The following NEK10 variants were observed in gnomAD, a reference collection of about 807,000 sequenced individuals.
NEK10 encodes the protein serine/threonine-protein kinase Nek10.
NEK10 carries 122 observed loss-of-function variants against 159.8 expected under a neutral mutation model. That is an observed-to-expected ratio of 0.76 (90% CI 0.66 to 0.89). The LOEUF (loss-of-function observed/expected upper bound fraction) is 0.89, where lower values mean the gene tolerates loss of function less well. NEK10 is among the 40% of genes least tolerant of loss of function. The pLI, the probability that NEK10 is intolerant of heterozygous loss-of-function variation, is 0.00. For missense variants in NEK10, 1,342 were observed against 1,323.1 expected (o/e 1.01, Z -0.22); for synonymous variants, 466 against 457.1 (o/e 1.02, Z -0.25).
chr3:27,257,677 G>C (rs1220065300), intron 22 of NEK10, among the ~76,000 whole-genome samples: 2 of 152,076 alleles, frequency 1.3e-5, no homozygotes, highest in East Asian at 3.8e-4. Context: ...GTGCTTAAAA[G>C]ACAGGACTCA....
At chr3:27,362,589 TGTGGTTTTTGC>T (rs1203389431) in intron 1 of NEK10, among the ~76,000 whole-genome samples, 3 of 150,896 alleles carry the variant, frequency 2.0e-5, no homozygotes, top group African/African-American at 7.3e-5. Context: ...CAAAAGTAAT[TGTGGTTTTTGC>T]CATTACTTTC....
Position 27,297,511 on chromosome 3 carries a change from G to A in NEK10, c.1169-271C>T, listed in dbSNP as rs573889062. Among the ~76,000 whole-genome samples the A allele has an allele frequency of 2.2e-3, 330 of 152,172 alleles. 2 individuals are homozygous for A. Among genetic ancestry groups the A allele is most frequent in the Non-Finnish European group, 4.1e-3 (281 of 68,034 alleles). On this transcript the variant is annotated intron_variant, in intron 13 of 35. Coordinates refer to ENST00000691995, the MANE Select transcript of NEK10 (RefSeq NM_001394966.1). Reference sequence around the variant, plus strand: ...GCACTTTCTTCGTACCAGGAGGCAAGTATTGCATCTGTCCATTTCATTGTA... The same window carrying A: ...GCACTTTCTTCGTACCAGGAGGCAAATATTGCATCTGTCCATTTCATTGTA...
chr3:27,153,275 G>A (rs544391298), intron 30 of NEK10, among the ~76,000 whole-genome samples: 16 of 150,172 alleles, frequency 1.1e-4, no homozygotes, highest in African/African-American at 3.4e-4. Context: ...AGCCAAGATC[G>A]TGCCACTGCA....
intron 23 of NEK10, among the ~76,000 whole-genome samples, chr3:27,211,974 A>G (rs1470399707): frequency 6.6e-6 from 1 of 152,236 alleles, no homozygotes; most frequent in Admixed American, 6.5e-5. Context: ...ATTTCCTCAC[A>G]TCTGTAAGAC....
At chr3:27,302,371 C>T (rs2043895338) in intron 12 of NEK10, among the ~76,000 whole-genome samples, 2 of 152,010 alleles carry the variant, frequency 1.3e-5, no homozygotes, top group Non-Finnish European at 2.9e-5. Flanking sequence ...TTTTTTCAAG[C>T]TTACCCTACA....
At chr3:27,264,657 C>T (rs1482977722) in intron 22 of NEK10, among the ~76,000 whole-genome samples, 9 of 151,984 alleles carry the variant, frequency 5.9e-5, no homozygotes, top group African/African-American at 9.7e-5. Context: ...TTTGGGAGGC[C>T]GAGGCAGGTG....
chr3:27,297,337 C>T (rs1297456867), intron 13 of NEK10, 97 bp from the exon 14 acceptor site: 6 of 806,042 alleles, frequency 7.4e-6, no homozygotes, highest in Non-Finnish European at 1.2e-5. Context: ...TATTATTTTG[C>T]TATTTTTATT....
At position 27,136,404 on chromosome 3, in the gene NEK10, G is replaced by A. The variant is rs188890413; in HGVS notation, c.2971-4414C>T. Among the ~76,000 whole-genome samples the A allele has an allele frequency of 4.2e-3, 632 of 152,064 alleles. 3 individuals carry two copies. Among genetic ancestry groups the A allele is most frequent in the African/African-American group, 0.014 (596 of 41,498 alleles). On this transcript the variant is annotated intron_variant, in intron 31 of 35. Transcript: ENST00000691995. ...TGGGATTACAGGCGTGAGCCACCGC[G>A]CCCGGCCCCAATGTTTAATTTTTAA...
chr3:27,111,218 G>A lies in NEK10; in HGVS notation c.*54C>T, dbSNP rs1431614713. On this transcript the variant is annotated 3_prime_UTR_variant, in exon 36 of 36. Transcript: ENST00000691995. The stretch of plus-strand genomic sequence containing the variant: ...TGGGCATCTTGCAATAGCGGCTGAA[G>A]TCCAGAACTTGAACTTCACTGAGAA... The A allele has an allele frequency of 6.5e-7, 1 of 1,541,764 alleles. No individual in the cohort carries two copies. Among genetic ancestry groups the A allele is most frequent in the African/African-American group, 1.4e-5 (1 of 73,042 alleles).
intron 6 of NEK10, among the ~76,000 whole-genome samples, chr3:27,317,537 C>G (rs2045295154): frequency 6.6e-6 from 1 of 151,926 alleles, no homozygotes; most frequent in Admixed American, 6.6e-5. Flanking sequence ...CTGAATTGTT[C>G]CTTTTTTAAA....
chr3:27,109,843 T>A lies in NEK10; in HGVS notation c.*1429A>T, dbSNP rs1029767727. On this transcript the variant is annotated 3_prime_UTR_variant, in exon 36 of 36. Coordinates refer to ENST00000691995, the MANE Select transcript of NEK10 (RefSeq NM_001394966.1). Reference sequence around the variant, plus strand: ...ATCTATTATCTTACATTACAGTGTATCTGTAATTGTTAATTTGGCTTAAAG... The same window carrying A: ...ATCTATTATCTTACATTACAGTGTAACTGTAATTGTTAATTTGGCTTAAAG... Among the ~76,000 whole-genome samples, 1 of 152,220 alleles carries A rather than the reference T, an allele frequency of 6.6e-6. No homozygotes were observed. Among genetic ancestry groups the A allele is most frequent in the Non-Finnish European group, 1.5e-5 (1 of 68,022 alleles).
intron 23 of NEK10, among the ~76,000 whole-genome samples, chr3:27,209,952 A>G (rs1364327557): frequency 3.1e-5 from 4 of 130,052 alleles, no homozygotes; most frequent in Non-Finnish European, 6.6e-5. Flanking sequence ...CTCTGAGCCC[A>G]CCCCCACCCC....
chr3:27,135,315 C>T (rs1045801738), intron 31 of NEK10, among the ~76,000 whole-genome samples: 14 of 152,126 alleles, frequency 9.2e-5, no homozygotes, highest in African/African-American at 3.4e-4. Flanking sequence ...GGCAAGTAGT[C>T]TCATAAGCTC....
At chr3:27,332,755 T>A (rs1203020541) in intron 5 of NEK10, among the ~76,000 whole-genome samples, 1 of 152,186 alleles carries the variant, frequency 6.6e-6, no homozygotes, top group Non-Finnish European at 1.5e-5. Context: ...AATATGATAA[T>A]GTTTTGACAA....
chr3:27,347,028 T>C (rs1387770545), intron 3 of NEK10, among the ~76,000 whole-genome samples: 1 of 152,186 alleles, frequency 6.6e-6, no homozygotes, highest in Non-Finnish European at 1.5e-5. Context: ...TAGACAAATA[T>C]CCTGTTTTTT....
intron 23 of NEK10, among the ~76,000 whole-genome samples, chr3:27,236,407 T>A (rs748581276): frequency 2.0e-5 from 3 of 152,134 alleles, no homozygotes; most frequent in Non-Finnish European, 2.9e-5. Context: ...TGCAGCAACT[T>A]GGGTGGAGCT....
At chr3:27,272,079 G>C (rs1324414051) in intron 22 of NEK10, among the ~76,000 whole-genome samples, 1 of 152,154 alleles carries the variant, frequency 6.6e-6, no homozygotes, top group Non-Finnish European at 1.5e-5. Flanking sequence ...ACAACAGCAT[G>C]ACAATAGGTG....
rs755430656 is a variant in NEK10, at chr3:27,346,143, T to C, written c.206A>G (p.His69Arg). 3 of 1,613,782 alleles carry C rather than the reference T, an allele frequency of 1.9e-6. No individual in the cohort carries two copies. The highest frequency in any genetic ancestry group is 1.7e-5 in the Admixed American group (1 of 59,988). The change falls in exon 4 of 36, where the codon CAC (histidine) becomes CGC (arginine). Residue 69 changes from histidine to arginine, a missense_variant. Transcript: ENST00000691995. ...KSEPAIRAGGHRARGQWHEST... is the reference protein window; with the variant it reads ...KSEPAIRAGGRRARGQWHEST... ...TTCATGCCACTGACCCCGAGCTCTG[T>C]GTCCACCCGCCCTGATGGCGGGCTC... is the stretch of plus-strand genomic sequence containing the variant.
chr3:27,320,575 T>C (rs1295137054), intron 6 of NEK10, among the ~76,000 whole-genome samples: 3 of 152,140 alleles, frequency 2.0e-5, no homozygotes, highest in Non-Finnish European at 4.4e-5. Context: ...CCAAACTGAA[T>C]TGCGATAAGC....
Sources: allele counts gnomAD v4.1 joint callset (sites outside exome capture counted in the v4.1 genomes callset), GRCh38; gene constraint gnomAD v4.1.1; transcripts MANE v1.5; gene names NCBI Gene and HGNC (gene_info 2026-07-23, HGNC 2026-07-21).